Variants in MAN2A1 observed in about 807,000 individuals in gnomAD.
The protein encoded by MAN2A1 is mannosidase alpha class 2A member 1.
A neutral mutation model predicts 142.6 loss-of-function variants in MAN2A1; 76 were observed. The observed-to-expected ratio is 0.53, with a 90% confidence interval of 0.44 to 0.65. The LOEUF is 0.65. MAN2A1 is among the 30% of genes least tolerant of loss of function. MAN2A1 has a pLI of 0.00. For missense variants in MAN2A1, 1,311 were observed against 1,365.1 expected (o/e 0.96, Z 0.62); for synonymous variants, 559 against 473.2 (o/e 1.18, Z -2.35).
intron 4 of MAN2A1, among the ~76,000 whole-genome samples, chr5:109,744,266 C>A (rs777012989): frequency 6.6e-6 from 1 of 152,018 alleles, no homozygotes; most frequent in Non-Finnish European, 1.5e-5. Flanking sequence ...AAAGGGTTTT[C>A]TTCTATAGAG....
intron 5 of MAN2A1, among the ~76,000 whole-genome samples, chr5:109,764,185 A>G (rs1018164489): frequency 3.3e-5 from 5 of 152,130 alleles, no homozygotes; most frequent in Non-Finnish European, 7.4e-5. Context: ...CTCTTAAACT[A>G]TAGTATTAAA....
chr5:109,763,297 G>T (rs1752902091), intron 5 of MAN2A1, among the ~76,000 whole-genome samples: 1 of 152,062 alleles, frequency 6.6e-6, no homozygotes. Flanking sequence ...TAATTAGTAG[G>T]CTTTTGAGCA....
Position 109,811,573 on chromosome 5 carries a change from C to CGTGTGTATGT in MAN2A1, c.1944-5694_1944-5693insATGTGTGTGT, listed in dbSNP as rs1258469012. Among the ~76,000 whole-genome samples the CGTGTGTATGT allele has an allele frequency of 4.2e-4, 61 of 145,014 alleles. 1 individual carries two copies. The highest frequency in any genetic ancestry group is 7.0e-3 in the Middle Eastern group (2 of 286). On this transcript the variant is annotated intron_variant, in intron 12 of 21. Transcript: ENST00000261483. The stretch of plus-strand genomic sequence containing the variant: ...GAAGATTGTTAATCTTCCTAACAGC[C>CGTGTGTATGT]GTGTGTGTGTGTGTGTGTGTGTGTG...
intron 1 of MAN2A1, among the ~76,000 whole-genome samples, chr5:109,706,665 G>A (rs947038802): frequency 6.6e-6 from 1 of 152,032 alleles, no homozygotes; most frequent in African/African-American, 2.4e-5. Flanking sequence ...CTTACATGGT[G>A]GGCACATTTG....
intron 4 of MAN2A1, among the ~76,000 whole-genome samples, chr5:109,746,085 G>T (rs190627298): frequency 6.9e-4 from 105 of 152,108 alleles, no homozygotes; most frequent in African/African-American, 2.5e-3. Flanking sequence ...AGCAGTTCTC[G>T]TGCCTCAGCC....
intron 12 of MAN2A1, among the ~76,000 whole-genome samples, chr5:109,815,320 A>G (rs1009390964): frequency 2.0e-5 from 3 of 152,160 alleles, no homozygotes; most frequent in Non-Finnish European, 2.9e-5. Flanking sequence ...TCAAGAGGGC[A>G]TCACCCTCCC....
chr5:109,858,155 C>T (rs1218971926), intron 20 of MAN2A1, among the ~76,000 whole-genome samples: 1 of 152,214 alleles, frequency 6.6e-6, no homozygotes, highest in African/African-American at 2.4e-5. Context: ...CTATTGATAA[C>T]TACCATGCTG....
chr5:109,832,814 GC>G, intron 16 of MAN2A1, among the ~76,000 whole-genome samples: 1 of 151,930 alleles, frequency 6.6e-6, no homozygotes, highest in Non-Finnish European at 1.5e-5. Flanking sequence ...CTGGGTGGGG[GC>G]TGTCCCCCAC....
At chr5:109,721,234 G>GT (rs1304406510) in intron 3 of MAN2A1, among the ~76,000 whole-genome samples, 2 of 152,022 alleles carry the variant, frequency 1.3e-5, no homozygotes, top group Admixed American at 1.3e-4. Context: ...TAAAATCTGT[G>GT]TTTTTTCCAT....
chr5:109,787,042 G>A (rs2269207), intron 10 of MAN2A1, among the ~76,000 whole-genome samples: 57,510 of 151,694 alleles, frequency 0.38, 11,835 homozygotes, highest in African/African-American at 0.55. Context: ...AATACATCAT[G>A]GCATATTTGG....
intron 1 of MAN2A1, among the ~76,000 whole-genome samples, chr5:109,710,146 G>C (rs559116187): frequency 6.6e-6 from 1 of 152,248 alleles, no homozygotes; most frequent in African/African-American, 2.4e-5. Context: ...TTTTCTCCAT[G>C]TACTTAATTC....
At chr5:109,696,472 A>C (rs976766011) in intron 1 of MAN2A1, among the ~76,000 whole-genome samples, 1 of 152,230 alleles carries the variant, frequency 6.6e-6, no homozygotes, top group Admixed American at 6.5e-5. Flanking sequence ...AAAGTACTTT[A>C]GTTTAAAACT....
At chr5:109,864,600 G>A (rs41296549) in intron 20 of MAN2A1, 121 of 153,868 alleles carry the variant, frequency 7.9e-4, no homozygotes, top group Non-Finnish European at 1.4e-3. Flanking sequence ...AGAAGCATGT[G>A]TGACTTTTAA....
chr5:109,702,493 C>G (rs901155940), intron 1 of MAN2A1, among the ~76,000 whole-genome samples: 8 of 152,064 alleles, frequency 5.3e-5, no homozygotes, highest in African/African-American at 1.9e-4. Flanking sequence ...AGAATACCCT[C>G]CAAACTGCCT....
intron 20 of MAN2A1, among the ~76,000 whole-genome samples, chr5:109,856,177 AT>A (rs557052452): frequency 9.9e-5 from 15 of 151,958 alleles, no homozygotes; most frequent in South Asian, 6.2e-4. Context: ...AAAAAATATA[AT>A]TTTTTTTTCT....
chr5:109,803,608 A>G (rs1754087793), intron 12 of MAN2A1, among the ~76,000 whole-genome samples: 1 of 152,078 alleles, frequency 6.6e-6, no homozygotes, highest in South Asian at 2.1e-4. Flanking sequence ...TAAAATATGA[A>G]GGCAGAATTG....
At chr5:109,780,544 GTGTGTA>G (rs1452177101) in intron 8 of MAN2A1, among the ~76,000 whole-genome samples, 14 of 142,406 alleles carry the variant, frequency 9.8e-5, no homozygotes, top group African/African-American at 3.6e-4. Context: ...GTGTGTGTGT[GTGTGTA>G]TGTGTGTAGG....
intron 6 of MAN2A1, among the ~76,000 whole-genome samples, chr5:109,768,052 A>G (rs987783976): frequency 7.2e-5 from 11 of 152,208 alleles, no homozygotes; most frequent in Non-Finnish European, 1.6e-4. Context: ...CCAGTCATAT[A>G]TCTTATATTC....
At position 109,690,569 on chromosome 5, in the gene MAN2A1, G is replaced by C; in HGVS notation, c.135+17G>C. ...TTCCCTCAGGTAAGCACCTGGGAAG[G>C]GGGCGCGGGGCTCCGAGGGGCCAGG... On this transcript the variant is annotated intron_variant, in intron 1 of 21. Coordinates refer to ENST00000261483, the MANE Select transcript of MAN2A1 (RefSeq NM_002372.4). 6.3e-7 allele frequency: 1 copy of C among 1,578,002 alleles called. No homozygotes were observed. Among genetic ancestry groups the C allele is most frequent in the Non-Finnish European group, 8.6e-7 (1 of 1,162,592 alleles).
Sources: gnomAD v4.1 joint callset for allele counts (sites outside exome capture counted in the v4.1 genomes callset) on GRCh38, gnomAD v4.1.1 for gene constraint, MANE v1.5 for transcripts, NCBI Gene and HGNC (gene_info 2026-07-23, HGNC 2026-07-21) for gene names.